The following PRKN variants were observed in gnomAD, a reference collection of about 807,000 sequenced individuals.
The protein encoded by PRKN is parkin RBR E3 ubiquitin protein ligase.
PRKN carries 56 observed loss-of-function variants against 59.5 expected under a neutral mutation model. The ratio of observed to expected loss-of-function variants is 0.94; its 90% CI spans 0.76 to 1.18. The LOEUF is 1.18. Among genes scored for constraint, PRKN ranks in the 50% most tolerant of loss-of-function variants. The probability of loss-of-function intolerance (pLI) is 0.00; values close to 1 mark genes in which losing one functional copy is unlikely to be tolerated. For synonymous variants in PRKN, 250 were observed against 222.1 expected (o/e 1.13, Z -1.12); for missense variants, 657 against 596.4 (o/e 1.10, Z -1.06).
chr6:162,294,145 G>C (rs1316235908), intron 2 of PRKN, among the ~76,000 whole-genome samples: 1 of 152,104 alleles, frequency 6.6e-6, no homozygotes, highest in African/African-American at 2.4e-5. Context: ...GCAGAAAAGA[G>C]GTTTCCAGCG....
chr6:162,396,034 A>G (rs932030713), intron 2 of PRKN, among the ~76,000 whole-genome samples: 1 of 152,208 alleles, frequency 6.6e-6, no homozygotes, highest in African/African-American at 2.4e-5. Flanking sequence ...ATATGTGAAT[A>G]ATTAAATGTA....
chr6:162,327,376 C>T (rs1050557663), intron 2 of PRKN, among the ~76,000 whole-genome samples: 2 of 152,120 alleles, frequency 1.3e-5, no homozygotes, highest in African/African-American at 2.4e-5. Flanking sequence ...TGAAAAAAGA[C>T]ATGAGCAATC....
chr6:162,472,463 T>C (rs1212222998), intron 1 of PRKN, among the ~76,000 whole-genome samples: 1 of 101,958 alleles, frequency 9.8e-6, no homozygotes, highest in Admixed American at 9.5e-5. Flanking sequence ...CTAACTTTTA[T>C]TTTATTTTAT....
rs1007229413 is a variant in PRKN, at chr6:161,468,162, G to A, written c.1083+80692C>T. On this transcript the variant is annotated intron_variant, in intron 9 of 11. Transcript: ENST00000366898. This position sits in a 1 kb window ranked among gnomAD's most constrained non-coding sequence, Gnocchi z 5.9. ...TAATTTTTGTATTTTTAGTAGAGAC[G>A]GGGTTTCGCCATGTTGGCCAGGCTG... 2.0e-5 allele frequency among the ~76,000 whole-genome samples: 3 copies of A among 151,902 alleles called. No individual in the cohort carries two copies. Among genetic ancestry groups the A allele is most frequent in the Non-Finnish European group, 2.9e-5 (2 of 67,970 alleles).
intron 4 of PRKN, among the ~76,000 whole-genome samples, chr6:162,173,534 C>CTT (rs5741635): frequency 6.8e-6 from 1 of 146,464 alleles, no homozygotes; most frequent in African/African-American, 2.5e-5. Flanking sequence ...TTTGATGCAG[C>CTT]TTTTTTTTTT....
intron 6 of PRKN, among the ~76,000 whole-genome samples, chr6:161,805,124 G>T (rs1005542585): frequency 6.6e-6 from 1 of 152,082 alleles, no homozygotes; most frequent in Non-Finnish European, 1.5e-5. Flanking sequence ...ACAGTGGGAG[G>T]CTTCTGAATA....
chr6:161,374,320 T>A (rs1221798835), intron 10 of PRKN, among the ~76,000 whole-genome samples: 1 of 151,634 alleles, frequency 6.6e-6, no homozygotes, highest in African/African-American at 2.4e-5. Context: ...GTGTGTTGTG[T>A]GTGTAACGCA....
At chr6:161,977,629 C>G (rs894394054) in intron 5 of PRKN, among the ~76,000 whole-genome samples, 10 of 149,180 alleles carry the variant, frequency 6.7e-5, no homozygotes, top group Non-Finnish European at 1.2e-4. Context: ...TCATTGCAAG[C>G]TCCACCTCCC....
chr6:162,163,931 T>C lies in PRKN; in HGVS notation c.534+37200A>G, dbSNP rs990093244. ...AACCAACCCCACTGCTCTAGAAGAA[T>C]AGCCCTGCTCGGTGACTCACTAACA... On this transcript the variant is annotated intron_variant, in intron 4 of 11. Transcript: ENST00000366898. Among the ~76,000 whole-genome samples the C allele has an allele frequency of 5.4e-5, 8 of 149,038 alleles. 1 individual carries two copies. The South Asian group carries it at 1.3e-3, about 24-fold the overall frequency.
intron 1 of PRKN, among the ~76,000 whole-genome samples, chr6:162,677,848 GTA>G (rs1779613341): frequency 6.6e-6 from 1 of 152,088 alleles, no homozygotes; most frequent in African/African-American, 2.4e-5. Context: ...TATTTAATGT[GTA>G]CAATTTGACA....
Position 162,727,725 on chromosome 6 carries a change from C to T in PRKN, c.-57G>A. ...GAACAGGCCCATGCGCGCAGCGGCGCCAGCCGCGCCTCCCACCAGCGGCTC... is the reference window on the plus strand; with the variant it reads ...GAACAGGCCCATGCGCGCAGCGGCGTCAGCCGCGCCTCCCACCAGCGGCTC... On this transcript the variant is annotated 5_prime_UTR_variant, in exon 1 of 12. Transcript: ENST00000366898. 6 of 1,535,534 alleles carry T rather than the reference C, an allele frequency of 3.9e-6. No homozygotes were observed. The highest frequency in any genetic ancestry group is 5.3e-6 in the Non-Finnish European group (6 of 1,133,902).
intron 7 of PRKN, among the ~76,000 whole-genome samples, chr6:161,721,634 C>T (rs1787225965): frequency 6.6e-6 from 1 of 152,230 alleles, no homozygotes; most frequent in Non-Finnish European, 1.5e-5. Flanking sequence ...TATGGACGCA[C>T]CTGTTCAGGG....
intron 6 of PRKN, among the ~76,000 whole-genome samples, chr6:161,929,749 A>G (rs1257864268): frequency 2.0e-5 from 3 of 151,922 alleles, no homozygotes; most frequent in Non-Finnish European, 2.9e-5. Flanking sequence ...ACTGACCACA[A>G]ATGATCTACC....
At chr6:161,367,470 CTT>C (rs77405672) in intron 10 of PRKN, among the ~76,000 whole-genome samples, 3 of 138,330 alleles carry the variant, frequency 2.2e-5, no homozygotes, top group African/African-American at 2.6e-5. Flanking sequence ...TGTGTCTTTT[CTT>C]TTTTTTTTTT....
Position 161,371,119 on chromosome 6 carries a change from A to G in PRKN, c.1168-10914T>C, listed in dbSNP as rs544877904. Among the ~76,000 whole-genome samples the G allele has an allele frequency of 2.0e-5, 3 of 152,220 alleles. No individual in the cohort carries two copies. Among genetic ancestry groups the G allele is most frequent in the South Asian group, 4.1e-4 (2 of 4,822 alleles). On this transcript the variant is annotated intron_variant, in intron 10 of 11. Coordinates refer to ENST00000366898, the MANE Select transcript of PRKN (RefSeq NM_004562.3). The surrounding 1 kb of genome is among the most constrained non-coding windows in gnomAD (Gnocchi z 5.5). ...GTTGTTCTCACATTGTCTTATGACT[A>G]TCTCTTTTTGGAGAATATGTATATA... is the stretch of plus-strand genomic sequence containing the variant.
chr6:162,390,675 T>C (rs1170194990), intron 2 of PRKN, among the ~76,000 whole-genome samples: 1 of 151,958 alleles, frequency 6.6e-6, no homozygotes, highest in African/African-American at 2.4e-5. Flanking sequence ...ACTCCTGACC[T>C]CAACTGATCC....
rs188344047 is a variant in PRKN at position 161,477,753 on chromosome 6, T to C, written c.1083+71101A>G. ...AAATAGATACATCATGTTATTAGAA[T>C]GCATAAGCATTACAAATGTAACTAT... On this transcript the variant is annotated intron_variant, in intron 9 of 11. Transcript: ENST00000366898. Among the ~76,000 whole-genome samples the C allele has an allele frequency of 1.5e-3, 228 of 152,314 alleles. 1 individual carries two copies. The highest frequency in any genetic ancestry group is 2.8e-3 in the Non-Finnish European group (190 of 68,022).
At chr6:162,133,387 T>G (rs150122732) in intron 4 of PRKN, among the ~76,000 whole-genome samples, 7 of 152,296 alleles carry the variant, frequency 4.6e-5, no homozygotes, top group South Asian at 2.1e-4. Context: ...ATATTTGTCC[T>G]TAGCAACTGA....
intron 2 of PRKN, among the ~76,000 whole-genome samples, chr6:162,421,795 A>G (rs1788982087): frequency 1.3e-5 from 2 of 152,338 alleles, no homozygotes; most frequent in South Asian, 4.2e-4. Context: ...GTTGACCAGT[A>G]ACTATTAATA....
Sources: allele counts gnomAD v4.1 joint callset (sites outside exome capture counted in the v4.1 genomes callset), GRCh38; gene constraint gnomAD v4.1.1; non-coding constraint Gnocchi (gnomAD v3.1); transcripts MANE v1.5; gene names NCBI Gene and HGNC (gene_info 2026-07-23, HGNC 2026-07-21).